Variants in ERBB4 observed in about 807,000 individuals in gnomAD.
ERBB4 encodes receptor tyrosine-protein kinase erbB-4.
In ERBB4, 42 loss-of-function variants were observed where a neutral mutation model predicts 158.0. The observed-to-expected ratio is 0.27, with a 90% CI of 0.21 to 0.34. The LOEUF (loss-of-function observed/expected upper bound fraction) is 0.34, where lower values mean the gene tolerates loss of function less well. Ranked by LOEUF, ERBB4 falls within the 10% of genes least tolerant of loss-of-function variation. The probability of loss-of-function intolerance (pLI) is 1.00; values close to 1 mark genes in which losing one functional copy is unlikely to be tolerated. For missense variants in ERBB4, 1,333 were observed against 1,624.1 expected, an observed-to-expected ratio of 0.82 and a Z score of 3.08; for synonymous variants, 583 against 558.7, an observed-to-expected ratio of 1.04 and a Z score of -0.61.
At chr2:211,884,336 C>T (rs1575313706) in intron 3 of ERBB4, among the ~76,000 whole-genome samples, 1 of 152,240 alleles carries the variant, frequency 6.6e-6, no homozygotes, top group East Asian at 1.9e-4. Flanking sequence ...AAACATGGCA[C>T]GTCTAGTTGT....
intron 19 of ERBB4, among the ~76,000 whole-genome samples, chr2:211,580,737 G>A (rs1210741305): frequency 1.4e-5 from 2 of 142,360 alleles, no homozygotes; most frequent in Admixed American, 7.3e-5. Flanking sequence ...TTGCAAAAAC[G>A]TGGAACCAAC....
intron 9 of ERBB4, among the ~76,000 whole-genome samples, chr2:211,711,142 CAG>C (rs2073683638): frequency 6.6e-6 from 1 of 151,524 alleles, no homozygotes; most frequent in African/African-American, 2.4e-5. Context: ...TTAAAATAAA[CAG>C]ATATTTAGCA....
chr2:212,491,043 A>T (rs907333120), intron 1 of ERBB4, among the ~76,000 whole-genome samples: 4 of 151,598 alleles, frequency 2.6e-5, no homozygotes, highest in Non-Finnish European at 4.4e-5. Context: ...CTCTTTTTTT[A>T]AAAGTAAGAT....
At position 211,946,576 on chromosome 2, in the gene ERBB4, C is replaced by CTTTTTTTTTTT. The variant is rs56007115; in HGVS notation, c.421+843_421+853dup. 4.8e-4 allele frequency among the ~76,000 whole-genome samples: 24 copies of CTTTTTTTTTTT among 49,584 alleles called. 5 individuals carry two copies. The highest frequency in any genetic ancestry group is 1.5e-3 in the East Asian group (2 of 1,312). 32.5% of individuals were successfully genotyped at this position (49,584 alleles called of 152,430 possible). A position where few individuals can be genotyped will look rare whatever the true frequency, so the allele number is the denominator to read the frequency against. The stretch of plus-strand genomic sequence containing the variant: ...TACTAATTATTTACTAATTAGCTCT[C>CTTTTTTTTTTT]TTTTTTTTTTTTTTTTTTTTTTTTT... On this transcript the variant is annotated intron_variant, in intron 3 of 27. Transcript: ENST00000342788.
intron 14 of ERBB4, among the ~76,000 whole-genome samples, chr2:211,665,991 A>G (rs770011748): frequency 1.4e-4 from 22 of 152,224 alleles, no homozygotes; most frequent in Admixed American, 6.5e-4. Context: ...ATATAATAGA[A>G]ATTAACTAAA....
intron 1 of ERBB4, among the ~76,000 whole-genome samples, chr2:212,520,751 G>C (rs1200903702): frequency 6.6e-6 from 1 of 151,958 alleles, no homozygotes; most frequent in African/African-American, 2.4e-5. Flanking sequence ...TAGGGAGTTT[G>C]AGGTTGTTGC....
chr2:212,187,112 T>C (rs562718227), intron 1 of ERBB4, among the ~76,000 whole-genome samples: 2 of 152,162 alleles, frequency 1.3e-5, no homozygotes, highest in East Asian at 1.9e-4. Flanking sequence ...ACTCTACTGT[T>C]AAAAGGGAAA....
intron 2 of ERBB4, among the ~76,000 whole-genome samples, chr2:212,098,225 C>T (rs1333075198): frequency 6.6e-6 from 1 of 152,130 alleles, no homozygotes; most frequent in African/African-American, 2.4e-5. Flanking sequence ...ATTTACATTA[C>T]ATTTCTTAAA....
chr2:212,223,294 T>A (rs1356849277), intron 1 of ERBB4, among the ~76,000 whole-genome samples: 1 of 149,514 alleles, frequency 6.7e-6, no homozygotes, highest in Non-Finnish European at 1.5e-5. Context: ...TATAGTTACC[T>A]TGCATGAACC....
At chr2:212,212,292 A>G (rs2082961426) in intron 1 of ERBB4, among the ~76,000 whole-genome samples, 1 of 152,068 alleles carries the variant, frequency 6.6e-6, no homozygotes, top group Non-Finnish European at 1.5e-5. Flanking sequence ...GAGTCAAATC[A>G]TGAATGAACT....
At chr2:211,649,036 A>G (rs908047843) in intron 16 of ERBB4, among the ~76,000 whole-genome samples, 4 of 151,882 alleles carry the variant, frequency 2.6e-5, no homozygotes, top group African/African-American at 9.7e-5. Context: ...TATATGTCTT[A>G]GATTAGTTTA....
intron 2 of ERBB4, among the ~76,000 whole-genome samples, chr2:212,029,020 T>C (rs935122266): frequency 6.6e-6 from 1 of 152,044 alleles, no homozygotes; most frequent in Non-Finnish European, 1.5e-5. Context: ...GTGCACGATG[T>C]AAGTTTACCA....
intron 1 of ERBB4, among the ~76,000 whole-genome samples, chr2:212,506,539 A>T (rs1268209971): frequency 1.3e-5 from 2 of 152,174 alleles, no homozygotes; most frequent in African/African-American, 4.8e-5. Flanking sequence ...AACAAAAAAA[A>T]AAAAAAGTCA....
chr2:211,930,914 T>G (rs2080157455), intron 3 of ERBB4, among the ~76,000 whole-genome samples: 1 of 152,170 alleles, frequency 6.6e-6, no homozygotes, highest in Non-Finnish European at 1.5e-5. Flanking sequence ...GGAGCAATGA[T>G]TAATGACTTT....
chr2:211,962,845 A>T (rs1353350535), intron 2 of ERBB4, among the ~76,000 whole-genome samples: 3 of 152,112 alleles, frequency 2.0e-5, no homozygotes, highest in African/African-American at 7.2e-5. Context: ...ATGGCGCTTT[A>T]AAAAAACCAG....
chr2:212,446,976 T>C (rs1464817959), intron 1 of ERBB4, among the ~76,000 whole-genome samples: 2 of 150,502 alleles, frequency 1.3e-5, no homozygotes, highest in African/African-American at 4.9e-5. Flanking sequence ...AAAAAAATAC[T>C]AATTAATACC....
At chr2:212,183,022 A>C (rs1380592627) in intron 1 of ERBB4, among the ~76,000 whole-genome samples, 2 of 151,806 alleles carry the variant, frequency 1.3e-5, no homozygotes, top group Non-Finnish European at 2.9e-5. Flanking sequence ...ATAAAACCCA[A>C]AGTGAAAAAG....
intron 13 of ERBB4, among the ~76,000 whole-genome samples, chr2:211,674,899 T>G (rs907526485): frequency 3.3e-5 from 5 of 150,222 alleles, no homozygotes; most frequent in African/African-American, 1.3e-4. Context: ...TTTCTTATTC[T>G]TCTTCTCCAA....
intron 1 of ERBB4, among the ~76,000 whole-genome samples, chr2:212,412,138 A>C (rs2106490115): frequency 6.6e-6 from 1 of 152,318 alleles, no homozygotes; most frequent in Admixed American, 6.5e-5. Context: ...TGAGGGTGTG[A>C]GAATAGAAAT....
Sources: gnomAD v4.1 joint callset for allele counts (sites outside exome capture counted in the v4.1 genomes callset) on GRCh38, gnomAD v4.1.1 for gene constraint, MANE v1.5 for transcripts, NCBI Gene and HGNC (gene_info 2026-07-23, HGNC 2026-07-21) for gene names.